Variants in LRRK2 observed in about 807,000 individuals in gnomAD.
LRRK2 encodes leucine-rich repeat serine/threonine-protein kinase 2.
LRRK2 carries 203 observed loss-of-function variants against 302.6 expected under a neutral mutation model. That is an observed-to-expected ratio of 0.67 (90% confidence interval 0.60 to 0.75). The LOEUF (loss-of-function observed/expected upper bound fraction) is 0.75. Ranked by LOEUF, LRRK2 falls within the 30% of genes least tolerant of loss-of-function variation. LRRK2 has a pLI of 0.00. For missense variants in LRRK2, 2,830 were observed against 2,951.0 expected (o/e 0.96, Z 0.95); for synonymous variants, 1,066 against 1,031.9 (o/e 1.03, Z -0.63).
Position 40,326,974 on chromosome 12 carries a change from T to C in LRRK2, c.5657-1386T>C, listed in dbSNP as rs1005684925. Reference sequence around the variant, plus strand: ...TAATTATATATGCTCATTATAGACATATAAAAAATAAATAGGTAGAGGCTT... The same window carrying C: ...TAATTATATATGCTCATTATAGACACATAAAAAATAAATAGGTAGAGGCTT... On this transcript the variant is annotated intron_variant, in intron 38 of 50. Coordinates refer to ENST00000298910, the MANE Select transcript of LRRK2 (RefSeq NM_198578.4). Among the ~76,000 whole-genome samples the C allele has an allele frequency of 2.6e-5, 4 of 152,358 alleles. No homozygotes were observed. In the South Asian group the frequency reaches 8.3e-4, roughly 32 times the overall value.
At chr12:40,308,831 C>G in intron 29 of LRRK2, 135 bp downstream of exon 29, 1 of 927,934 alleles carries the variant, frequency 1.1e-6, no homozygotes, top group Non-Finnish European at 1.6e-6. Flanking sequence ...CTTCATTTCT[C>G]CTAATTTTAC....
intron 48 of LRRK2, among the ~76,000 whole-genome samples, chr12:40,363,952 TG>T (rs550278136): frequency 6.6e-6 from 1 of 151,634 alleles, no homozygotes; most frequent in African/African-American, 2.4e-5. Context: ...TAGACAAATA[TG>T]GGGGGAAATG....
chr12:40,234,302 G>T (rs1941336719), intron 3 of LRRK2, among the ~76,000 whole-genome samples: 1 of 150,878 alleles, frequency 6.6e-6, no homozygotes, highest in South Asian at 2.1e-4. Context: ...TTATATTTTG[G>T]GATTAATAAC....
Position 40,354,832 on chromosome 12 carries a change from GAA to G in LRRK2, c.6770+351_6770+352del, listed in dbSNP as rs67041151. On this transcript the variant is annotated intron_variant, in intron 45 of 50. Transcript: ENST00000298910. ...ATAAATTCTCATTCATTCATTCTTT[GAA>G]AAAAAAAAAATATATATATATATAT... Among the ~76,000 whole-genome samples the G allele has an allele frequency of 2.7e-4, 14 of 51,776 alleles. No homozygotes were observed. The South Asian group carries it at 3.0e-3, about 11-fold the overall frequency. 34.0% of individuals were successfully genotyped at this position (51,776 alleles called of 152,430 possible).
intron 19 of LRRK2, chr12:40,286,469 C>T (rs538399129): frequency 1.3e-5 from 2 of 151,988 alleles, no homozygotes; most frequent in East Asian, 1.9e-4. Context: ...GCATACTTCA[C>T]TCTGCTACTA....
rs770265693 is a variant in LRRK2, at chr12:40,309,965, T to A, written c.4318-466T>A. 3.5e-4 allele frequency among the ~76,000 whole-genome samples: 53 copies of A among 152,224 alleles called. 1 individual carries two copies. The highest frequency in any genetic ancestry group is 1.7e-3 in the Admixed American group (26 of 15,268). On this transcript the variant is annotated intron_variant, in intron 30 of 50. Coordinates refer to ENST00000298910, the MANE Select transcript of LRRK2 (RefSeq NM_198578.4). ...AGCAAATAGTACAGTGGCAGTCATA[T>A]TTGCTTGAGTGGCTTTTATTCTTTC...
intron 2 of LRRK2, among the ~76,000 whole-genome samples, chr12:40,229,891 A>G (rs1198070601): frequency 6.6e-6 from 1 of 151,760 alleles, no homozygotes; most frequent in Non-Finnish European, 1.5e-5. Flanking sequence ...ACCAACCAAA[A>G]CAAACAGGTT....
Position 40,254,676 on chromosome 12 carries a change from A to C in LRRK2, c.1288+1660A>C, listed in dbSNP as rs978878346. On this transcript the variant is annotated intron_variant, in intron 11 of 50. Coordinates refer to ENST00000298910, the MANE Select transcript of LRRK2 (RefSeq NM_198578.4). ...AAATCTCCTTTGATATGCAAATCAA[A>C]CAACCATAACTTTGTGAAATTTCGA... Among the ~76,000 whole-genome samples, 16 of 152,186 alleles carry C rather than the reference A, an allele frequency of 1.1e-4. 1 individual carries two copies. Among genetic ancestry groups the C allele is most frequent in the Admixed American group, 6.6e-4 (10 of 15,264 alleles).
chr12:40,351,579 C>A lies in LRRK2; in HGVS notation c.6422C>A (p.Thr2141Lys). ...AATTCAGCTGAATTAGTCTGTCTGACGAGACGCATTTTATTACCTAAAAAC... is the reference window on the plus strand; with the variant it reads ...AATTCAGCTGAATTAGTCTGTCTGAAGAGACGCATTTTATTACCTAAAAAC... ...ILNSAELVCL[T>K]RRILLPKNVI... The change falls in exon 44 of 51, where the codon ACG (threonine) becomes AAG (lysine). Residue 2141 changes from threonine (T) to lysine (K), a missense_variant. By Grantham distance (78) the Thr-to-Lys change is moderately conservative. Around this residue, in one of 3 missense-constraint regions of LRRK2, gnomAD observed 456 missense variants for 456.3 expected, o/e 1.00. Coordinates refer to ENST00000298910, the MANE Select transcript of LRRK2 (RefSeq NM_198578.4). The A allele has an allele frequency of 6.2e-7, 1 of 1,614,070 alleles. No individual in the cohort carries two copies. Among genetic ancestry groups the A allele is most frequent in the Non-Finnish European group, 8.5e-7 (1 of 1,180,004 alleles).
At position 40,315,853 on chromosome 12, in the gene LRRK2, A is replaced by G. The variant is rs566628876; in HGVS notation, c.4827+553A>G. 2.2e-4 allele frequency among the ~76,000 whole-genome samples: 33 copies of G among 152,140 alleles called. No individual in the cohort carries two copies. The South Asian group carries it at 6.6e-3, about 31-fold the overall frequency. ...CCATTACCAATGAGTTTAATTAGTT[A>G]TAATAATCCATCTCTGTAGCTTTGA... On this transcript the variant is annotated intron_variant, in intron 33 of 50. Coordinates refer to ENST00000298910, the MANE Select transcript of LRRK2 (RefSeq NM_198578.4).
At chr12:40,260,487 G>T (rs547332585) in intron 13 of LRRK2, among the ~76,000 whole-genome samples, 8 of 151,718 alleles carry the variant, frequency 5.3e-5, no homozygotes, top group Non-Finnish European at 1.2e-4. Flanking sequence ...GGTGAGTGAG[G>T]CATGGAGGAT....
rs1174941577 is a variant in LRRK2, at chr12:40,367,653, C to T, written c.7472C>T (p.Ser2491Phe). The change falls in exon 51 of 51, where the codon TCT becomes TTT. Residue 2491 changes from serine (S) to phenylalanine (F), a missense_variant. Transcript: ENST00000298910. ...TTTTTTCTTTTTCTAGAGATACAAT[C>T]TTGCTTGACCGTTTGGGACATCAAT... ...EGTQKQKEIQSCLTVWDINLP... is the reference protein window; with the variant it reads ...EGTQKQKEIQFCLTVWDINLP... 6.2e-7 allele frequency: 1 copy of T among 1,602,802 alleles called. No homozygotes were observed. Among genetic ancestry groups the T allele is most frequent in the Non-Finnish European group, 8.5e-7 (1 of 1,173,690 alleles).
intron 31 of LRRK2, 97 bp from the exon 32 acceptor site, chr12:40,313,873 ATC>A: frequency 1.2e-6 from 1 of 869,112 alleles, no homozygotes. Flanking sequence ...TGAATAATAT[ATC>A]TGTTTCTGTA....
chr12:40,357,249 T>G (rs1946568822), intron 46 of LRRK2, among the ~76,000 whole-genome samples: 1 of 152,246 alleles, frequency 6.6e-6, no homozygotes, highest in Non-Finnish European at 1.5e-5. Context: ...TCCATCCATG[T>G]TGCTGTATAT....
chr12:40,293,915 A>ATATATATATATATATATATATATATATG (rs1944267721), intron 21 of LRRK2, among the ~76,000 whole-genome samples: 1 of 150,452 alleles, frequency 6.6e-6, no homozygotes, highest in African/African-American at 2.4e-5. Flanking sequence ...ATATATATAT[A>ATATATATATATATATATATATATATATG]CTTACAGTAC....
intron 6 of LRRK2, among the ~76,000 whole-genome samples, chr12:40,243,148 T>C (rs1412196112): frequency 6.6e-6 from 1 of 151,108 alleles, no homozygotes; most frequent in East Asian, 2.0e-4. Flanking sequence ...TCAATAAAGA[T>C]GTGTCTGGAA....
At chr12:40,261,111 G>GTT (rs1942753366) in intron 13 of LRRK2, among the ~76,000 whole-genome samples, 1 of 152,058 alleles carries the variant, frequency 6.6e-6, no homozygotes, top group Non-Finnish European at 1.5e-5. Context: ...CCTATTCATA[G>GTT]TTTCAGCTTA....
intron 11 of LRRK2, among the ~76,000 whole-genome samples, chr12:40,254,422 C>T (rs977269459): frequency 6.6e-6 from 1 of 152,160 alleles, no homozygotes; most frequent in African/African-American, 2.4e-5. Context: ...CACTGACAGA[C>T]AGACAGGGGC....
Position 40,278,077 on chromosome 12 carries a change from T to C in LRRK2, c.2071-14T>C, listed in dbSNP as rs1159128293. ...TATTTATCTGACTCTAATTCTCATT[T>C]CCACTCTTTTTAGTTTCTAAACCTC... On this transcript the variant is annotated splice_polypyrimidine_tract_variant and intron_variant, in intron 17 of 50. Coordinates refer to ENST00000298910, the MANE Select transcript of LRRK2 (RefSeq NM_198578.4). 2 of 1,613,992 alleles carry C rather than the reference T, an allele frequency of 1.2e-6. No individual in the cohort carries two copies. Among genetic ancestry groups the C allele is most frequent in the Admixed American group, 3.3e-5 (2 of 60,018 alleles).
Sources: gnomAD v4.1 joint callset for allele counts (sites outside exome capture counted in the v4.1 genomes callset) on GRCh38, gnomAD v4.1.1 for gene constraint, gnomAD v4.1.1 regional missense constraint, MANE v1.5 for transcripts, NCBI Gene and HGNC (gene_info 2026-07-23, HGNC 2026-07-21) for gene names.